MAP4: variants seen among roughly 807,000 people sequenced by gnomAD.
MAP4 encodes the protein microtubule associated protein 4.
MAP4 carries 76 observed loss-of-function variants against 170.2 expected under a neutral mutation model. The observed-to-expected ratio is 0.45, with a 90% CI of 0.37 to 0.54. The LOEUF (loss-of-function observed/expected upper bound fraction) is 0.54. Among genes scored for constraint, MAP4 ranks in the 20% least tolerant of loss-of-function variants. MAP4 has a pLI of 0.00. For missense variants in MAP4, 2,506 were observed against 2,748.0 expected, an observed-to-expected ratio of 0.91 and a Z score of 1.97; for synonymous variants, 909 against 994.5, an observed-to-expected ratio of 0.91 and a Z score of 1.62.
At chr3:47,979,528 G>A (rs28637561) in intron 2 of MAP4, among the ~76,000 whole-genome samples, 91,767 of 151,762 alleles carry the variant, frequency 0.6, 28,994 homozygotes, top group East Asian at 0.72. Context: ...CAATCTTGAC[G>A]CTCTGCAACC....
rs758965406 is a variant in MAP4 at position 47,921,849 on chromosome 3, GGTC to G, written c.442_444del (p.Asp148del). 1 of 1,598,192 alleles carries G rather than the reference GGTC, an allele frequency of 6.3e-7. No individual in the cohort carries two copies. ...CTGGAGGGAAAGACCAAATCTGCCA[GGTC>G]ATCATCATGGTACATCTTAAAGGGA... On this transcript the variant is annotated inframe_deletion, in exon 5 of 21. Transcript: ENST00000683076.
chr3:48,044,948 C>CA (rs1221653657), intron 1 of MAP4, among the ~76,000 whole-genome samples: 8 of 147,726 alleles, frequency 5.4e-5, no homozygotes, highest in Non-Finnish European at 7.5e-5. Context: ...GATCCTATCT[C>CA]AAAAAAAAGA....
chr3:48,009,176 T>C (rs534055824), intron 1 of MAP4, among the ~76,000 whole-genome samples: 5 of 152,068 alleles, frequency 3.3e-5, no homozygotes, highest in Admixed American at 6.6e-5. Flanking sequence ...TCTTGGCTCA[T>C]TGCAACATCC....
At chr3:48,021,984 A>AAAAAC (rs373745368) in intron 1 of MAP4, among the ~76,000 whole-genome samples, 6 of 152,320 alleles carry the variant, frequency 3.9e-5, no homozygotes, top group Admixed American at 1.3e-4. Context: ...GAACATATGG[A>AAAAAC]AAAACAAAAC....
chr3:47,915,869 A>T, intron 7 of MAP4, 82 bp downstream of exon 7: 1 of 1,460,576 alleles, frequency 6.8e-7, no homozygotes, highest in Non-Finnish European at 9.2e-7. Flanking sequence ...TCTGTACTTT[A>T]CCTGGCATGA....
At chr3:48,008,587 T>C (rs1409389172) in intron 1 of MAP4, among the ~76,000 whole-genome samples, 5 of 152,312 alleles carry the variant, frequency 3.3e-5, no homozygotes, top group Non-Finnish European at 5.9e-5. Flanking sequence ...GGTGACAAAT[T>C]TGGGGAAGAG....
intron 1 of MAP4, among the ~76,000 whole-genome samples, chr3:48,056,940 G>T (rs1366153444): frequency 1.1e-4 from 15 of 132,176 alleles, no homozygotes; most frequent in Admixed American, 1.4e-4. Flanking sequence ...GAGGTGGGGG[G>T]TTCAGCCCCC....
rs767320742 is a variant in MAP4, at chr3:47,928,223, C to G, written c.415+5G>C. On this transcript the variant is annotated splice_donor_5th_base_variant and intron_variant, in intron 4 of 20. Coordinates refer to ENST00000683076, the MANE Select transcript of MAP4 (RefSeq NM_001385682.1). ...TTTAGTAGTCACGAGCAAGCCAACA[C>G]TTACCAGTCTGGATAGGATCGACCA... 6.2e-7 allele frequency: 1 copy of G among 1,614,120 alleles called. No individual in the cohort carries two copies. The highest frequency in any genetic ancestry group is 1.1e-5 in the South Asian group (1 of 91,046).
chr3:47,876,350 C>A (rs1474090751), intron 11 of MAP4, among the ~76,000 whole-genome samples: 1 of 152,022 alleles, frequency 6.6e-6, no homozygotes, highest in Non-Finnish European at 1.5e-5. Context: ...CCAGGATGGC[C>A]TCGATCTCCT....
intron 1 of MAP4, among the ~76,000 whole-genome samples, chr3:48,087,753 A>ACG (rs1415202942): frequency 6.7e-6 from 1 of 149,370 alleles, no homozygotes; most frequent in Middle Eastern, 3.4e-3. Context: ...GCGCACACAC[A>ACG]CACACACACA....
intron 3 of MAP4, among the ~76,000 whole-genome samples, chr3:47,960,056 G>T (rs1031661888): frequency 6.6e-6 from 1 of 151,892 alleles, no homozygotes; most frequent in African/African-American, 2.4e-5. Flanking sequence ...TAGAGACAGG[G>T]TTTCATCATG....
intron 2 of MAP4, among the ~76,000 whole-genome samples, chr3:47,979,883 A>G (rs978984900): frequency 6.6e-6 from 1 of 152,018 alleles, no homozygotes; most frequent in Non-Finnish European, 1.5e-5. Context: ...GGAGTGCAGT[A>G]GTGCAATCGT....
intron 1 of MAP4, among the ~76,000 whole-genome samples, chr3:48,081,705 C>T (rs755570726): frequency 1.3e-5 from 2 of 151,858 alleles, no homozygotes; most frequent in African/African-American, 4.8e-5. Context: ...CGGAAGTAAA[C>T]GAAGATATGT....
Position 47,909,221 on chromosome 3 carries a change from G to T in MAP4, c.5200C>A (p.Pro1734Thr). The T allele has an allele frequency of 1.9e-6, 3 of 1,613,764 alleles. No individual in the cohort carries two copies. Among genetic ancestry groups the T allele is most frequent in the Non-Finnish European group, 2.5e-6 (3 of 1,179,840 alleles). Residue 1734 changes from proline (P) to threonine (T), a missense_variant, in exon 9 of 21, where the codon CCT becomes ACT. Pro to Thr is a conservative substitution (Grantham distance 38, BLOSUM62 -1). This residue lies in a region of MAP4 where 2,008 missense variants were observed against 2,206.0 expected (regional missense o/e 0.91). Transcript: ENST00000683076. ...TCAGATTTTTCTGTCATTTTCTGAG[G>T]TGTCTCCAAAATCTTATCTTTGGGT... ...PEPKDKILET[P>T]QKMTEKSESK...
intron 17 of MAP4, among the ~76,000 whole-genome samples, chr3:47,859,279 G>C (rs1396278748): frequency 6.6e-6 from 1 of 152,216 alleles, no homozygotes; most frequent in Non-Finnish European, 1.5e-5. Context: ...ACTCCATGCA[G>C]TGTTGCACCA....
chr3:47,917,585 CA>C (rs397877787), intron 6 of MAP4, among the ~76,000 whole-genome samples: 41,224 of 92,742 alleles, frequency 0.44, 6,350 homozygotes, highest in African/African-American at 0.55. Context: ...GAGTCCGTCT[CA>C]AAAAAAAAAA....
intron 5 of MAP4, among the ~76,000 whole-genome samples, chr3:47,920,491 C>T (rs1577624402): frequency 6.6e-6 from 1 of 151,732 alleles, no homozygotes; most frequent in East Asian, 1.9e-4. Flanking sequence ...GATCCATCCG[C>T]CTTGGCCTCC....
At chr3:47,863,071 G>C (rs1463417705) in intron 17 of MAP4, among the ~76,000 whole-genome samples, 1 of 151,776 alleles carries the variant, frequency 6.6e-6, no homozygotes, top group Non-Finnish European at 1.5e-5. Flanking sequence ...CCGCCTCCCA[G>C]GATCAAGCGA....
At position 48,087,743 on chromosome 3, in the gene MAP4, GCGCACACA is replaced by G. The variant is rs1443820216; in HGVS notation, c.-20+1022_-20+1029del. Among the ~76,000 whole-genome samples the G allele has an allele frequency of 7.9e-3, 536 of 68,040 alleles. 3 individuals are homozygous for G. The highest frequency in any genetic ancestry group is 0.036 in the East Asian group (73 of 2,018). 44.6% of individuals were successfully genotyped at this position (68,040 alleles called of 152,430 possible). A position where few individuals can be genotyped will look rare whatever the true frequency, so the allele number is the denominator to read the frequency against. Reference sequence around the variant, plus strand: ...CACACGCACGCGCACACACACGCACGCGCACACACACACACACACACACACACACACAC... The same window carrying G: ...CACACGCACGCGCACACACACGCACGCACACACACACACACACACACACAC... On this transcript the variant is annotated intron_variant, in intron 1 of 18. Transcript: ENST00000360240.
Sources: gnomAD v4.1 joint callset for allele counts (sites outside exome capture counted in the v4.1 genomes callset) on GRCh38, gnomAD v4.1.1 for gene constraint, gnomAD v4.1.1 regional missense constraint, MANE v1.5 for transcripts, NCBI Gene and HGNC (gene_info 2026-07-23, HGNC 2026-07-21) for gene names.